PRKAR1B: variants seen among roughly 807,000 people sequenced by gnomAD.
The protein encoded by PRKAR1B is cAMP-dependent protein kinase type I-beta regulatory subunit.
PRKAR1B carries 22 observed loss-of-function variants against 46.5 expected under a neutral mutation model. The ratio of observed to expected loss-of-function variants is 0.47; its 90% CI spans 0.34 to 0.68. The LOEUF (loss-of-function observed/expected upper bound fraction) is 0.68. Ranked by LOEUF, PRKAR1B falls within the 30% of genes least tolerant of loss-of-function variation. The probability of loss-of-function intolerance (pLI) is 0.01; values close to 1 mark genes in which losing one functional copy is unlikely to be tolerated. For missense variants in PRKAR1B, 445 were observed against 535.6 expected (o/e 0.83, Z 1.67); for synonymous variants, 259 against 217.7 (o/e 1.19, Z -1.67).
chr7:718,342 A>C (rs1362434556), intron 1 of PRKAR1B, among the ~76,000 whole-genome samples: 1 of 149,352 alleles, frequency 6.7e-6, no homozygotes, highest in Non-Finnish European at 1.5e-5. Context: ...ATATATATAT[A>C]TATATCTCCT....
At position 556,451 on chromosome 7, in the gene PRKAR1B, C is replaced by T. The variant is rs188170934; in HGVS notation, c.892-4981G>A. Among the ~76,000 whole-genome samples, 11 of 152,176 alleles carry T rather than the reference C, an allele frequency of 7.2e-5. No homozygotes were observed. The East Asian group carries it at 2.1e-3, about 29-fold the overall frequency. Reference sequence around the variant, plus strand: ...GGATAATTAGAAGGGCCTCTGGGGACGTCCAGGAACGGAGTCACATAAAGG... The same window carrying T: ...GGATAATTAGAAGGGCCTCTGGGGATGTCCAGGAACGGAGTCACATAAAGG... On this transcript the variant is annotated intron_variant, in intron 9 of 10. Coordinates refer to ENST00000537384, the MANE Select transcript of PRKAR1B (RefSeq NM_001164760.2).
chr7:709,173 G>C (rs1466554280), intron 2 of PRKAR1B, among the ~76,000 whole-genome samples: 2 of 146,440 alleles, frequency 1.4e-5, no homozygotes, highest in Non-Finnish European at 3.0e-5. Flanking sequence ...ACGGAGGAAA[G>C]GTTGAAAAAC....
intron 4 of PRKAR1B, among the ~76,000 whole-genome samples, chr7:664,990 T>A (rs979620355): frequency 6.6e-6 from 1 of 151,706 alleles, no homozygotes; most frequent in African/African-American, 2.4e-5. Context: ...CACGATCACC[T>A]GGGGGAAGTG....
chr7:615,825 CAAAAA>C (rs71016887), intron 4 of PRKAR1B, among the ~76,000 whole-genome samples: 1 of 94,450 alleles, frequency 1.1e-5, no homozygotes, highest in Admixed American at 1.2e-4. Context: ...AAGACTCCAT[CAAAAA>C]AAAAAAAAAA....
At chr7:669,432 G>A (rs1156635374) in intron 4 of PRKAR1B, among the ~76,000 whole-genome samples, 3 of 152,188 alleles carry the variant, frequency 2.0e-5, no homozygotes, top group Non-Finnish European at 4.4e-5. Context: ...GCACACCATT[G>A]TGAATGTAAC....
intron 8 of PRKAR1B, among the ~76,000 whole-genome samples, chr7:582,716 A>G (rs1231192375): frequency 6.6e-6 from 1 of 152,144 alleles, no homozygotes; most frequent in African/African-American, 2.4e-5. Context: ...TTGTCTCGAC[A>G]GCGCTGGTGA....
rs755760852 is a variant in PRKAR1B, at chr7:711,490, CG to C, written c.15del (p.Ala6ProfsTer10). On this transcript the variant is annotated frameshift_variant, in exon 2 of 11. Coordinates refer to ENST00000537384, the MANE Select transcript of PRKAR1B (RefSeq NM_001164760.2). LOFTEE classifies it high-confidence loss of function. ...CTCTCGTCCTCCTCCGAGGGGCAGG[CG>C]GGCGGGGAGGCCATGGCGAGGGTGG... MASP[P>X]ACPSEEDESL... The C allele has an allele frequency of 6.2e-7, 1 of 1,613,500 alleles. No individual in the cohort carries two copies. Among genetic ancestry groups the C allele is most frequent in the African/African-American group, 1.3e-5 (1 of 74,932 alleles).
At chr7:621,167 T>A (rs1337181332) in intron 4 of PRKAR1B, among the ~76,000 whole-genome samples, 1 of 152,220 alleles carries the variant, frequency 6.6e-6, no homozygotes, top group Non-Finnish European at 1.5e-5. Context: ...CTTCCTCTTG[T>A]TTTCTATTTT....
At chr7:694,343 T>C (rs76367046) in intron 2 of PRKAR1B, among the ~76,000 whole-genome samples, 5,079 of 151,904 alleles carry the variant, frequency 0.033, 320 homozygotes, top group African/African-American at 0.12. Context: ...GGGCTAGAGT[T>C]TAGACCCGGG....
At chr7:603,559 C>T (rs953478821) in intron 6 of PRKAR1B, among the ~76,000 whole-genome samples, 1 of 150,244 alleles carries the variant, frequency 6.7e-6, no homozygotes, top group Non-Finnish European at 1.5e-5. Flanking sequence ...CAATAAACAT[C>T]CAGGAAGGAG....
chr7:551,547 A>C, intron 9 of PRKAR1B, 77 bp from the exon 10 acceptor site: 1 of 1,416,628 alleles, frequency 7.1e-7, no homozygotes, highest in Non-Finnish European at 9.7e-7. Flanking sequence ...GTCACCCCAC[A>C]GGGGGTCACC....
In PRKAR1B at chr7:710,864, G is replaced by C. The variant is rs149084083; in HGVS notation, c.177+465C>G. On this transcript the variant is annotated intron_variant, in intron 2 of 10. Coordinates refer to ENST00000537384, the MANE Select transcript of PRKAR1B (RefSeq NM_001164760.2). ...TCGCCATGTTGGCCAGGCTGGTCTC[G>C]AACTCCTGACCTCAAGTGATCTGCC... 6.6e-3 allele frequency among the ~76,000 whole-genome samples: 1,005 copies of C among 152,058 alleles called. 14 individuals are homozygous for C. The highest frequency in any genetic ancestry group is 0.023 in the African/African-American group (948 of 41,452).
At chr7:707,528 C>T (rs2128526131) in intron 2 of PRKAR1B, among the ~76,000 whole-genome samples, 1 of 151,744 alleles carries the variant, frequency 6.6e-6, no homozygotes, top group East Asian at 2.0e-4. Context: ...ATCGTGTCCC[C>T]AGAAATAGAC....
intron 4 of PRKAR1B, among the ~76,000 whole-genome samples, chr7:676,397 G>C (rs1332119696): frequency 6.6e-6 from 1 of 152,184 alleles, no homozygotes; most frequent in South Asian, 2.1e-4. Context: ...TCCCGGCACA[G>C]GCAGGAGCCG....
chr7:562,292 C>G (rs1305816549), intron 9 of PRKAR1B, among the ~76,000 whole-genome samples: 2 of 97,078 alleles, frequency 2.1e-5, no homozygotes, highest in African/African-American at 8.0e-5. Context: ...CCAGGCACCT[C>G]TCAGGGTGGG....
In PRKAR1B at chr7:558,749, T is replaced by C. The variant is rs1389000403; in HGVS notation, c.892-7279A>G. On this transcript the variant is annotated intron_variant, in intron 9 of 10. Transcript: ENST00000537384. Reference sequence around the variant, plus strand: ...CCTGGGCAACAAGAGCGAAAGTCCATCTCAAAAAAAGAAAAAAAAAGAAGA... The same window carrying C: ...CCTGGGCAACAAGAGCGAAAGTCCACCTCAAAAAAAGAAAAAAAAAGAAGA... 2.0e-5 allele frequency among the ~76,000 whole-genome samples: 3 copies of C among 151,406 alleles called. No individual in the cohort carries two copies. The South Asian group carries it at 6.3e-4, about 32-fold the overall frequency.
chr7:549,267 T>TCCACAGGGACGTCACAGGC lies in PRKAR1B; in HGVS notation c.*1144_*1162dup, dbSNP rs1194197778. 5 of 152,026 alleles carry TCCACAGGGACGTCACAGGC rather than the reference T, an allele frequency of 3.3e-5. No individual in the cohort carries two copies. Among genetic ancestry groups the TCCACAGGGACGTCACAGGC allele is most frequent in the Admixed American group, 6.5e-5 (1 of 15,284 alleles). 9.4% of individuals were successfully genotyped at this position (152,026 alleles called of 1,614,324 possible). On this transcript the variant is annotated 3_prime_UTR_variant, in exon 11 of 11. Coordinates refer to ENST00000537384, the MANE Select transcript of PRKAR1B (RefSeq NM_001164760.2). ...GATAAGGGGGGGGATGGCTCACAGG[T>TCCACAGGGACGTCACAGGC]CCACAGGGACGTCACAGGCACAGGC...
chr7:647,672 G>A (rs1784685582), intron 4 of PRKAR1B, among the ~76,000 whole-genome samples: 1 of 151,772 alleles, frequency 6.6e-6, no homozygotes, highest in South Asian at 2.1e-4. Flanking sequence ...CGGGCGAGGT[G>A]GCAGGCGCCT....
chr7:700,684 A>C (rs1472565058), intron 2 of PRKAR1B, among the ~76,000 whole-genome samples: 1 of 152,212 alleles, frequency 6.6e-6, no homozygotes, highest in East Asian at 1.9e-4. Flanking sequence ...AAAAGGAAGA[A>C]GAAAGGAGGA....
Sources: allele counts gnomAD v4.1 joint callset (sites outside exome capture counted in the v4.1 genomes callset), GRCh38; gene constraint gnomAD v4.1.1; transcripts MANE v1.5; gene names NCBI Gene and HGNC (gene_info 2026-07-23, HGNC 2026-07-21).